Variants in ZC3H12C observed in about 807,000 individuals in gnomAD.
ZC3H12C encodes the protein probable ribonuclease ZC3H12C.
ZC3H12C carries 20 observed loss-of-function variants against 76.3 expected under a neutral mutation model. The ratio of observed to expected loss-of-function variants is 0.26; its 90% CI spans 0.18 to 0.38. The LOEUF is 0.38. ZC3H12C is among the 10% of genes least tolerant of loss of function. The probability of loss-of-function intolerance (pLI) is 1.00; values close to 1 mark genes in which losing one functional copy is unlikely to be tolerated. For missense variants in ZC3H12C, 874 were observed against 1,086.5 expected (o/e 0.80, Z 2.75); for synonymous variants, 352 against 399.6 (o/e 0.88, Z 1.42).
rs116946313 is a variant in ZC3H12C, at chr11:110,101,830, G to A, written c.21+8398G>A. Reference sequence around the variant, plus strand: ...CCCAAAGTGCTGGAGGACTAAAAGCGTGAGCCACCTCACCCAGCCCAATGC... The same window carrying A: ...CCCAAAGTGCTGGAGGACTAAAAGCATGAGCCACCTCACCCAGCCCAATGC... On this transcript the variant is annotated intron_variant, in intron 1 of 5. Coordinates refer to ENST00000278590, the MANE Select transcript of ZC3H12C (RefSeq NM_033390.2). 4.2e-3 allele frequency among the ~76,000 whole-genome samples: 641 copies of A among 151,994 alleles called. 2 individuals are homozygous for A. The highest frequency in any genetic ancestry group is 6.8e-3 in the Middle Eastern group (2 of 294).
At position 110,137,343 on chromosome 11, in the gene ZC3H12C, G is replaced by A; in HGVS notation, c.702G>A (p.Met234Ile). The change falls in exon 2 of 6, where the codon ATG becomes ATA. Residue 234 changes from methionine to isoleucine, a missense_variant. Physicochemically the swap from Met to Ile is conservative, Grantham distance 10. Transcript: ENST00000278590. Reference sequence around the variant, plus strand: ...AATCTCAGAGGTCTGAATCTCCAATGCAAGAGATTGTAACAGATGATGGTG... The same window carrying A: ...AATCTCAGAGGTCTGAATCTCCAATACAAGAGATTGTAACAGATGATGGTG... ...SLESQRSESP[M>I]QEIVTDDGEN... The A allele has an allele frequency of 5.0e-6, 8 of 1,613,834 alleles. No homozygotes were observed. The highest frequency in any genetic ancestry group is 6.8e-6 in the Non-Finnish European group (8 of 1,179,844).
intron 1 of ZC3H12C, among the ~76,000 whole-genome samples, chr11:110,126,485 G>T (rs1239569176): frequency 1.3e-5 from 2 of 152,126 alleles, no homozygotes. Flanking sequence ...CTCCTAAAGT[G>T]CTGGGATTAT....
At chr11:110,113,064 C>A (rs1386366196) in intron 1 of ZC3H12C, among the ~76,000 whole-genome samples, 1 of 152,088 alleles carries the variant, frequency 6.6e-6, no homozygotes, top group Non-Finnish European at 1.5e-5. Flanking sequence ...CCCTGCCATC[C>A]CCAAAATAAT....
chr11:110,109,361 G>A (rs1361689233), intron 1 of ZC3H12C, among the ~76,000 whole-genome samples: 1 of 152,104 alleles, frequency 6.6e-6, no homozygotes, highest in African/African-American at 2.4e-5. Flanking sequence ...AGTCAGCTTT[G>A]ATTATAGGTT....
At chr11:110,130,416 A>G (rs1026080514) in intron 1 of ZC3H12C, among the ~76,000 whole-genome samples, 17 of 152,210 alleles carry the variant, frequency 1.1e-4, no homozygotes, top group African/African-American at 4.1e-4. Context: ...AAATTAACAA[A>G]TACTTAAAAC....
chr11:110,098,418 AT>A (rs1399273859), intron 1 of ZC3H12C, among the ~76,000 whole-genome samples: 1 of 152,216 alleles, frequency 6.6e-6, no homozygotes, highest in Non-Finnish European at 1.5e-5. Flanking sequence ...AGTAAGAGTA[AT>A]TTATTGAAGA....
chr11:110,097,246 C>G (rs2134140061), intron 1 of ZC3H12C, among the ~76,000 whole-genome samples: 1 of 152,336 alleles, frequency 6.6e-6, no homozygotes, highest in East Asian at 1.9e-4. Flanking sequence ...CATTACAACA[C>G]TGACAATAAT....
At chr11:110,096,492 T>C (rs1861115368) in intron 1 of ZC3H12C, among the ~76,000 whole-genome samples, 1 of 152,210 alleles carries the variant, frequency 6.6e-6, no homozygotes, top group African/African-American at 2.4e-5. Flanking sequence ...TTGCTTCTAT[T>C]ATCCCCAGTC....
chr11:110,167,086 A>G lies in ZC3H12C; in HGVS notation c.*1349A>G, dbSNP rs2134205384. 6.6e-6 allele frequency: 1 copy of G among 152,324 alleles called. No individual in the cohort carries two copies. The highest frequency in any genetic ancestry group is 1.5e-5 in the Non-Finnish European group (1 of 68,016). The allele number at this position is 152,324 out of a possible 1,614,324, so 9.4% of individuals were successfully genotyped here. ...GAAGATAGATTTTGCAGTCAGTGGC[A>G]GACAGTTGTGTGATTGACATCACTT... is the stretch of plus-strand genomic sequence containing the variant. On this transcript the variant is annotated 3_prime_UTR_variant, in exon 6 of 6. Coordinates refer to ENST00000278590, the MANE Select transcript of ZC3H12C (RefSeq NM_033390.2).
chr11:110,170,533 T>G lies in ZC3H12C; in HGVS notation c.*4796T>G, dbSNP rs2134208598. ...GTGACTAGTATAATTGTAGCTATAA[T>G]GTGAGTGGCATGTTACAATGTAACT... On this transcript the variant is annotated 3_prime_UTR_variant, in exon 6 of 6. Transcript: ENST00000278590. The G allele has an allele frequency of 6.6e-6, 1 of 152,376 alleles. No homozygotes were observed. The highest frequency in any genetic ancestry group is 1.5e-5 in the Non-Finnish European group (1 of 68,022). 9.4% of individuals were successfully genotyped at this position (152,376 alleles called of 1,614,324 possible).
At chr11:110,105,987 A>AATTTGTATTTCTGTCAGCAATGTATGT (rs1591458142) in intron 1 of ZC3H12C, among the ~76,000 whole-genome samples, 1 of 76,092 alleles carries the variant, frequency 1.3e-5, no homozygotes, top group Non-Finnish European at 2.8e-5. Flanking sequence ...AAGTTATACC[A>AATTTGTATTTCTGTCAGCAATGTATGT]GCCGGGCGCG....
Position 110,143,527 on chromosome 11 carries a change from A to G in ZC3H12C, c.773+6113A>G, listed in dbSNP as rs116789077. 1.9e-3 allele frequency among the ~76,000 whole-genome samples: 288 copies of G among 151,840 alleles called. 1 individual carries two copies. Among genetic ancestry groups the G allele is most frequent in the African/African-American group, 6.1e-3 (252 of 41,486 alleles). ...TTTAATGTTCTATAAATATTTATTA[A>G]TATTATAATTATTCTGTGATTAAAA... On this transcript the variant is annotated intron_variant, in intron 2 of 5. Coordinates refer to ENST00000278590, the MANE Select transcript of ZC3H12C (RefSeq NM_033390.2).
At chr11:110,127,515 G>C (rs1591470231) in intron 1 of ZC3H12C, among the ~76,000 whole-genome samples, 1 of 151,986 alleles carries the variant, frequency 6.6e-6, no homozygotes, top group Non-Finnish European at 1.5e-5. Flanking sequence ...ATAGTTTTTG[G>C]TTAAAATTTT....
chr11:110,164,883 A>G lies in ZC3H12C; in HGVS notation c.1798A>G (p.Ser600Gly), dbSNP rs763368221. 2 of 1,613,886 alleles carry G rather than the reference A, an allele frequency of 1.2e-6. No homozygotes were observed. Among genetic ancestry groups the G allele is most frequent in the Non-Finnish European group, 1.7e-6 (2 of 1,179,892 alleles). Reference sequence around the variant, plus strand: ...CATGTTGAATGCATACTCAAATCTGAGTCTCTCAGGCCCACGAAGCCCTGA... The same window carrying G: ...CATGTTGAATGCATACTCAAATCTGGGTCTCTCAGGCCCACGAAGCCCTGA... ...YSMLNAYSNLSLSGPRSPERR... is the reference protein window; with the variant it reads ...YSMLNAYSNLGLSGPRSPERR... The change falls in exon 6 of 6, where the codon AGT (serine) becomes GGT (glycine). Residue 600 changes from serine (S) to glycine (G), a missense_variant. Around this residue, in one of 3 missense-constraint regions of ZC3H12C, gnomAD observed 395 missense variants for 434.4 expected, o/e 0.91. Coordinates refer to ENST00000278590, the MANE Select transcript of ZC3H12C (RefSeq NM_033390.2). This position sits in a 1 kb window ranked among gnomAD's most constrained non-coding sequence, Gnocchi z 5.7.
chr11:110,155,648 T>C (rs1862363759), intron 3 of ZC3H12C, among the ~76,000 whole-genome samples: 1 of 152,220 alleles, frequency 6.6e-6, no homozygotes, highest in South Asian at 2.1e-4. Flanking sequence ...GCAGAAATGC[T>C]CTTTTACATA....
At chr11:110,099,297 T>G (rs373593337) in intron 1 of ZC3H12C, among the ~76,000 whole-genome samples, 69 of 152,306 alleles carry the variant, frequency 4.5e-4, no homozygotes, top group African/African-American at 1.5e-3. Flanking sequence ...CAAAAAGCTT[T>G]TCAGAAAAGT....
chr11:110,161,550 A>G (rs1409624200), intron 4 of ZC3H12C, among the ~76,000 whole-genome samples: 2 of 152,222 alleles, frequency 1.3e-5, no homozygotes, highest in Non-Finnish European at 2.9e-5. Flanking sequence ...ATATTTTCTC[A>G]TTTAATTCAC....
chr11:110,124,127 G>A (rs993157227), intron 1 of ZC3H12C: 2 of 152,218 alleles, frequency 1.3e-5, no homozygotes, highest in African/African-American at 2.4e-5. Flanking sequence ...AGCTCTAGTT[G>A]GGAAGAGAAT....
chr11:110,155,855 C>T (rs1862368173), intron 3 of ZC3H12C, among the ~76,000 whole-genome samples: 1 of 151,990 alleles, frequency 6.6e-6, no homozygotes, highest in African/African-American at 2.4e-5. Flanking sequence ...TAGTACTCGT[C>T]CTTACCTTTC....
Sources: gnomAD v4.1 joint callset for allele counts (sites outside exome capture counted in the v4.1 genomes callset) on GRCh38, gnomAD v4.1.1 for gene constraint, gnomAD v4.1.1 regional missense constraint, Gnocchi (gnomAD v3.1) non-coding constraint, MANE v1.5 for transcripts, NCBI Gene and HGNC (gene_info 2026-07-23, HGNC 2026-07-21) for gene names.